LAMB4: variants seen among roughly 807,000 people sequenced by gnomAD.
The protein encoded by LAMB4 is laminin subunit beta-4.
Under a neutral mutation model 199.2 loss-of-function variants are expected in LAMB4, and 196 were observed. That is an observed-to-expected ratio of 0.98 (90% CI 0.88 to 1.11). The LOEUF (loss-of-function observed/expected upper bound fraction) is 1.11. Ranked by LOEUF, LAMB4 falls within the 50% of genes least tolerant of loss-of-function variation. LAMB4 has a pLI of 0.00. For synonymous variants in LAMB4, 744 were observed against 770.6 expected (o/e 0.97, Z 0.57); for missense variants, 2,080 against 2,171.2 (o/e 0.96, Z 0.83).
chr7:108,054,929 A>G (rs1159320948), intron 25 of LAMB4, among the ~76,000 whole-genome samples: 3 of 152,270 alleles, frequency 2.0e-5, no homozygotes, highest in Non-Finnish European at 2.9e-5. Context: ...CATACTTGGT[A>G]TAAGACTTCA....
In LAMB4 at chr7:108,066,472, T is replaced by C. The variant is rs755148173; in HGVS notation, c.2575A>G (p.Ser859Gly). 10 of 1,614,072 alleles carry C rather than the reference T, an allele frequency of 6.2e-6. No individual in the cohort carries two copies. The highest frequency in any genetic ancestry group is 1.6e-4 in the Middle Eastern group (1 of 6,084). The change falls in exon 20 of 34, where the codon AGC becomes GGC. Residue 859 changes from serine to glycine, a missense_variant. Ser to Gly is a moderately conservative substitution (Grantham distance 56). Coordinates refer to ENST00000388781, the MANE Select transcript of LAMB4 (RefSeq NM_007356.3). ...CTATTACAAGGGCAAGGGTGGCAGC[T>C]GGGAAATCCAAAGTAGCCTGCCAGG... ...RCLAGYFGFP[S>G]CHPCPCNRFA... is the part of the protein sequence containing the mutation.
rs1312831419 is a variant in LAMB4 at position 108,066,565 on chromosome 7, C to T, written c.2482G>A (p.Val828Ile). 6.2e-7 allele frequency: 1 copy of T among 1,612,932 alleles called. No individual in the cohort carries two copies. Among genetic ancestry groups the T allele is most frequent in the Non-Finnish European group, 8.5e-7 (1 of 1,179,478 alleles). The change falls in exon 20 of 34, where the codon GTA becomes ATA. Residue 828 changes from valine to isoleucine, a missense_variant. Val to Ile is a conservative substitution (Grantham distance 29, BLOSUM62 3). Coordinates refer to ENST00000388781, the MANE Select transcript of LAMB4 (RefSeq NM_007356.3). ...HCHPQGSKDT[V>I]CDQVTGQCPC... ...CACTGTCCTGTTACTTGGTCACATA[C>T]AGTGTCCTTTGATCCTTGAGGATGG...
At chr7:108,069,083 C>T (rs62468026) in intron 18 of LAMB4, among the ~76,000 whole-genome samples, 8,590 of 152,246 alleles carry the variant, frequency 0.056, 301 homozygotes, top group Non-Finnish European at 0.073. Context: ...AAGCATTTGC[C>T]TAACATTCAG....
intron 29 of LAMB4, among the ~76,000 whole-genome samples, chr7:108,042,188 C>CTGG (rs1473307941): frequency 6.6e-6 from 1 of 152,046 alleles, no homozygotes; most frequent in African/African-American, 2.4e-5. Context: ...TGAAAGCTTC[C>CTGG]TGGTCACCAG....
At position 108,106,482 on chromosome 7, in the gene LAMB4, A is replaced by C. The variant is rs757925254; in HGVS notation, c.655+27T>G. On this transcript the variant is annotated intron_variant, in intron 7 of 33. Coordinates refer to ENST00000388781, the MANE Select transcript of LAMB4 (RefSeq NM_007356.3). ...CAAACATGAAATTTTTTTAAAGCTG[A>C]TATGAAAAATATAAAGGAATTCATA... 23 of 1,329,376 alleles carry C rather than the reference A, an allele frequency of 1.7e-5. No homozygotes were observed. The East Asian group carries it at 4.4e-4, about 25-fold the overall frequency. 82.3% of individuals were successfully genotyped at this position (1,329,376 alleles called of 1,614,324 possible). A position where few individuals can be genotyped will look rare whatever the true frequency, so the allele number is the denominator to read the frequency against.
intron 33 of LAMB4, chr7:108,026,467 A>G (rs1230988314): frequency 6.3e-6 from 1 of 159,042 alleles, no homozygotes; most frequent in Non-Finnish European, 1.4e-5. Flanking sequence ...CTGGCCCCTA[A>G]CAGGCCATCA....
chr7:108,090,098 T>A (rs982140069), intron 14 of LAMB4, among the ~76,000 whole-genome samples: 1 of 152,206 alleles, frequency 6.6e-6, no homozygotes, highest in African/African-American at 2.4e-5. Flanking sequence ...GAATTAGGGA[T>A]AATAGATTAT....
downstream of LAMB4, among the ~76,000 whole-genome samples, chr7:108,018,794 G>A (rs2034634703): frequency 6.6e-6 from 1 of 152,180 alleles, no homozygotes. Context: ...AACCAAGGGT[G>A]GGGATGTCCC....
chr7:108,033,350 G>A (rs1291930157), intron 31 of LAMB4, among the ~76,000 whole-genome samples: 2 of 152,108 alleles, frequency 1.3e-5, no homozygotes, highest in East Asian at 1.9e-4. Flanking sequence ...CCCCATATAT[G>A]CAACCTCTTC....
At chr7:108,039,372 T>G (rs2150502695) in intron 29 of LAMB4, among the ~76,000 whole-genome samples, 1 of 152,314 alleles carries the variant, frequency 6.6e-6, no homozygotes, top group African/African-American at 2.4e-5. Flanking sequence ...CTGTAATATT[T>G]TTGAAGCAAT....
chr7:108,093,052 A>G (rs1584736302), intron 12 of LAMB4, among the ~76,000 whole-genome samples: 1 of 152,194 alleles, frequency 6.6e-6, no homozygotes, highest in Non-Finnish European at 1.5e-5. Flanking sequence ...AAGTTCTTCT[A>G]CCAGCCTATG....
chr7:108,058,552 ATTG>A (rs1339207143), intron 23 of LAMB4, among the ~76,000 whole-genome samples: 6 of 152,240 alleles, frequency 3.9e-5, no homozygotes, highest in Admixed American at 2.0e-4. Flanking sequence ...GCAAATCACT[ATTG>A]TTGTAGTCCT....
chr7:108,014,007 G>A, the LAMB4 span, among the ~76,000 whole-genome samples: 3 of 152,014 alleles, frequency 2.0e-5, no homozygotes, highest in African/African-American at 4.8e-5. Context: ...ATTAAAAAGG[G>A]CCACCCAGAA....
Position 108,079,774 on chromosome 7 carries a change from ACGT to A in LAMB4, c.1711_1713del (p.Thr571del). On this transcript the variant is annotated inframe_deletion, in exon 15 of 34. Transcript: ENST00000388781. ...ACGTGAACAGCAGGACTCTGGCCAA[ACGT>A]CTCCGAGCCCTAAAATGGGAGAGGA... The A allele has an allele frequency of 6.3e-7, 1 of 1,588,330 alleles. No homozygotes were observed. The highest frequency in any genetic ancestry group is 8.6e-7 in the Non-Finnish European group (1 of 1,169,376).
chr7:108,074,493 T>G (rs1210684179), intron 17 of LAMB4, among the ~76,000 whole-genome samples: 2 of 152,152 alleles, frequency 1.3e-5, no homozygotes, highest in African/African-American at 4.8e-5. Context: ...CTCAGCCTCC[T>G]GAGTAGCTGG....
chr7:108,051,650 T>C (rs113401397), intron 26 of LAMB4, among the ~76,000 whole-genome samples: 20 of 152,320 alleles, frequency 1.3e-4, no homozygotes, highest in African/African-American at 4.3e-4. Flanking sequence ...TGACTCTCAT[T>C]CTTACAAAGC....
chr7:108,078,955 C>T lies in LAMB4; in HGVS notation c.1888-639G>A, dbSNP rs149247662. Among the ~76,000 whole-genome samples the T allele has an allele frequency of 4.5e-3, 684 of 152,290 alleles. 4 individuals are homozygous for T. Among genetic ancestry groups the T allele is most frequent in the African/African-American group, 0.016 (650 of 41,558 alleles). On this transcript the variant is annotated intron_variant, in intron 15 of 33. Transcript: ENST00000388781. The stretch of plus-strand genomic sequence containing the variant: ...CGTGGGAGCCTCCAGAATGTGGTCC[C>T]TAGTGGGGCTTGGGAGCCTCTAAGA...
intron 17 of LAMB4, among the ~76,000 whole-genome samples, chr7:108,072,038 T>C (rs901222944): frequency 5.3e-5 from 8 of 152,090 alleles, no homozygotes; most frequent in Admixed American, 1.3e-4. Context: ...TTTGGAAATT[T>C]GTGGAGGTGG....
At chr7:108,017,617 A>G in the LAMB4 span, among the ~76,000 whole-genome samples, 3 of 152,228 alleles carry the variant, frequency 2.0e-5, no homozygotes, top group African/African-American at 7.2e-5. Flanking sequence ...TAGAAAAGGC[A>G]TATCAGCCAA....
Sources: gnomAD v4.1 joint callset for allele counts (sites outside exome capture counted in the v4.1 genomes callset) on GRCh38, gnomAD v4.1.1 for gene constraint, MANE v1.5 for transcripts, NCBI Gene and HGNC (gene_info 2026-07-23, HGNC 2026-07-21) for gene names.